Variants in CSMD1 observed in about 807,000 individuals in gnomAD.
CSMD1 encodes CUB and Sushi multiple domains 1, also known as CUB and sushi domain-containing protein 1.
Under a neutral mutation model 417.5 loss-of-function variants are expected in CSMD1, and 213 were observed. The ratio of observed to expected loss-of-function variants is 0.51; its 90% CI spans 0.46 to 0.57. The LOEUF (loss-of-function observed/expected upper bound fraction) is 0.57, where lower values mean the gene tolerates loss of function less well. Ranked by LOEUF, CSMD1 falls within the 20% of genes least tolerant of loss-of-function variation. The pLI is 0.00. For synonymous variants in CSMD1, 2,862 were observed against 1,736.8 expected (o/e 1.65, Z -16.11); for missense variants, 6,923 against 4,529.7 (o/e 1.53, Z -15.17).
intron 2 of CSMD1, among the ~76,000 whole-genome samples, chr8:4,586,477 G>C (rs1799705559): frequency 6.6e-6 from 1 of 152,176 alleles, no homozygotes; most frequent in Non-Finnish European, 1.5e-5. Flanking sequence ...CTGGTTTAAT[G>C]ATAAAAATCA....
At chr8:3,138,743 G>A (rs1818259130) in intron 41 of CSMD1, among the ~76,000 whole-genome samples, 1 of 152,176 alleles carries the variant, frequency 6.6e-6, no homozygotes, top group African/African-American at 2.4e-5. Flanking sequence ...ATTTCAGAGG[G>A]GCAAGTGAGA....
rs553670542 is a variant in CSMD1 at position 3,826,007 on chromosome 8, A to G, written c.819-71965T>C. On this transcript the variant is annotated intron_variant, in intron 5 of 69. Coordinates refer to ENST00000635120, the MANE Select transcript of CSMD1 (RefSeq NM_033225.6). ...GATCGTATTCTTTATCACTTTATTC[A>G]CTTGCCTTTTTCAAAGGCCAACGTG... Among the ~76,000 whole-genome samples the G allele has an allele frequency of 2.0e-5, 3 of 152,268 alleles. No individual in the cohort carries two copies. In the East Asian group the frequency reaches 5.8e-4, roughly 29 times the overall value.
chr8:3,815,702 A>G (rs1801332355), intron 5 of CSMD1, among the ~76,000 whole-genome samples: 1 of 151,306 alleles, frequency 6.6e-6, no homozygotes, highest in African/African-American at 2.4e-5. Context: ...TGACTTTTTC[A>G]TACTCTGAAT....
At chr8:3,305,330 GTTA>G (rs1357342254) in intron 25 of CSMD1, among the ~76,000 whole-genome samples, 2 of 152,136 alleles carry the variant, frequency 1.3e-5, no homozygotes, top group Admixed American at 6.5e-5. Flanking sequence ...TTTAAAATGA[GTTA>G]TTATAAAATA....
At position 4,317,523 on chromosome 8, in the gene CSMD1, T is replaced by C. The variant is rs2128882121; in HGVS notation, c.415+102430A>G. ...GCCTGCTAAGGTAAGTGACTTTTCT[T>C]GGCTGTTTCTTCATTTTCCAGAGAT... On this transcript the variant is annotated intron_variant, in intron 3 of 69. Transcript: ENST00000635120. Among the ~76,000 whole-genome samples the C allele has an allele frequency of 1.3e-5, 2 of 152,320 alleles. 1 individual carries two copies. The highest frequency in any genetic ancestry group is 4.1e-4 in the South Asian group (2 of 4,824).
At chr8:3,781,339 T>A (rs1374332224) in intron 5 of CSMD1, among the ~76,000 whole-genome samples, 1 of 152,148 alleles carries the variant, frequency 6.6e-6, no homozygotes, top group South Asian at 2.1e-4. Context: ...TCTTTACTCA[T>A]TGAACACGGA....
intron 3 of CSMD1, among the ~76,000 whole-genome samples, chr8:4,404,480 C>T (rs766757306): frequency 1.3e-5 from 2 of 152,002 alleles, no homozygotes; most frequent in African/African-American, 2.4e-5. Context: ...ATGTTTGAGG[C>T]ATATTGAGTG....
chr8:4,148,682 T>C (rs1312814479), intron 3 of CSMD1, among the ~76,000 whole-genome samples: 1 of 152,046 alleles, frequency 6.6e-6, no homozygotes, highest in Non-Finnish European at 1.5e-5. Flanking sequence ...CTCGTGTCTC[T>C]TCTAGTAAGG....
intron 11 of CSMD1, among the ~76,000 whole-genome samples, chr8:3,478,563 G>C (rs1817556648): frequency 6.6e-6 from 1 of 152,162 alleles, no homozygotes; most frequent in African/African-American, 2.4e-5. Flanking sequence ...AGAAACAGCA[G>C]AGCATGGGGT....
At chr8:4,405,166 C>T (rs1386184488) in intron 3 of CSMD1, among the ~76,000 whole-genome samples, 3 of 152,176 alleles carry the variant, frequency 2.0e-5, no homozygotes, top group Non-Finnish European at 2.9e-5. Context: ...TTCCTGGAAT[C>T]CACCATAAAT....
chr8:3,427,149 T>A (rs758700170), intron 12 of CSMD1, among the ~76,000 whole-genome samples: 1 of 152,154 alleles, frequency 6.6e-6, no homozygotes, highest in Non-Finnish European at 1.5e-5. Context: ...ATGGGGATCA[T>A]AGGGACTAAA....
chr8:3,298,701 G>A lies in CSMD1; in HGVS notation c.3950+8994C>T, dbSNP rs139344789. On this transcript the variant is annotated intron_variant, in intron 25 of 69. Coordinates refer to ENST00000635120, the MANE Select transcript of CSMD1 (RefSeq NM_033225.6). Reference sequence around the variant, plus strand: ...ACTCCTGATCTCAGGTAATCTGCCCGCCTCAGCCTCCCAAAGTGCTAGGAT... The same window carrying A: ...ACTCCTGATCTCAGGTAATCTGCCCACCTCAGCCTCCCAAAGTGCTAGGAT... Among the ~76,000 whole-genome samples the A allele has an allele frequency of 1.2e-3, 190 of 152,250 alleles. 1 individual carries two copies. Among genetic ancestry groups the A allele is most frequent in the African/African-American group, 4.2e-3 (176 of 41,548 alleles).
chr8:3,104,710 C>CTTTTTT (rs34005345), intron 46 of CSMD1, among the ~76,000 whole-genome samples: 1 of 135,026 alleles, frequency 7.4e-6, no homozygotes, highest in African/African-American at 2.8e-5. Context: ...TTTTTCTTTT[C>CTTTTTT]TTTTTTTTTT....
chr8:4,404,485 T>G (rs144169961), intron 3 of CSMD1, among the ~76,000 whole-genome samples: 7 of 152,262 alleles, frequency 4.6e-5, no homozygotes, highest in African/African-American at 7.2e-5. Context: ...TGAGGCATAT[T>G]GAGTGATACA....
intron 22 of CSMD1, among the ~76,000 whole-genome samples, chr8:3,346,765 T>C (rs141410185): frequency 0.012 from 1,860 of 152,332 alleles, 35 homozygotes; most frequent in African/African-American, 0.042. Context: ...GCATATTCTC[T>C]TAGAAGTCTC....
At chr8:3,733,929 C>G (rs573908354) in intron 6 of CSMD1, among the ~76,000 whole-genome samples, 2 of 152,200 alleles carry the variant, frequency 1.3e-5, no homozygotes, top group East Asian at 3.9e-4. Flanking sequence ...GTGTTAGCCA[C>G]AGTTTCGGCC....
intron 3 of CSMD1, among the ~76,000 whole-genome samples, chr8:4,405,183 T>A (rs368702902): frequency 6.6e-6 from 1 of 152,342 alleles, no homozygotes; most frequent in South Asian, 2.1e-4. Context: ...AAATCCTTTG[T>A]CAACACAATG....
intron 1 of CSMD1, among the ~76,000 whole-genome samples, chr8:4,939,763 C>T (rs767505098): frequency 1.1e-4 from 17 of 152,110 alleles, no homozygotes; most frequent in Non-Finnish European, 2.4e-4. Flanking sequence ...ATGCAGTGTA[C>T]TGCCTACTTG....
At chr8:3,011,463 ACTAT>A (rs147616132) in intron 52 of CSMD1, among the ~76,000 whole-genome samples, 8,658 of 152,252 alleles carry the variant, frequency 0.057, 262 homozygotes, top group African/African-American at 0.081. Context: ...TTTAAACTTG[ACTAT>A]CTAAGAACTA....
Sources: allele counts gnomAD v4.1 joint callset (sites outside exome capture counted in the v4.1 genomes callset), GRCh38; gene constraint gnomAD v4.1.1; transcripts MANE v1.5; gene names NCBI Gene and HGNC (gene_info 2026-07-23, HGNC 2026-07-21).